MYH3: variants seen among roughly 807,000 people sequenced by gnomAD.
MYH3 encodes the protein myosin heavy chain 3.
MYH3 carries 130 observed loss-of-function variants against 238.0 expected under a neutral mutation model. That is an observed-to-expected ratio of 0.55 (90% confidence interval 0.47 to 0.63). The LOEUF is 0.63. MYH3 is among the 30% of genes least tolerant of loss of function. The pLI, the probability that MYH3 is intolerant of heterozygous loss-of-function variation, is 0.00. For missense variants in MYH3, 1,853 were observed against 2,374.9 expected (o/e 0.78, Z 4.57); for synonymous variants, 880 against 924.1 (o/e 0.95, Z 0.86).
At chr17:10,671,199 G>GT in the MYH3 span, among the ~76,000 whole-genome samples, 1 of 152,130 alleles carries the variant, frequency 6.6e-6, no homozygotes, top group Non-Finnish European at 1.5e-5. Flanking sequence ...GGCCTCTGCT[G>GT]TATCTTATGG....
upstream of MYH3, among the ~76,000 whole-genome samples, chr17:10,660,471 C>A (rs1032953067): frequency 7.0e-6 from 1 of 142,764 alleles, no homozygotes; most frequent in Non-Finnish European, 1.5e-5. Flanking sequence ...GTCAGGAGAT[C>A]GATACCATCC....
intron 4 of MYH3, 82 bp downstream of exon 4, chr17:10,652,338 G>A (rs1388019068): frequency 2.2e-5 from 34 of 1,520,130 alleles, no homozygotes; most frequent in Non-Finnish European, 3.0e-5. Context: ...AGAATCCCAC[G>A]GCCCACACAC....
chr17:10,643,957 C>T (rs569096907), intron 14 of MYH3, among the ~76,000 whole-genome samples: 3 of 151,968 alleles, frequency 2.0e-5, no homozygotes, highest in Non-Finnish European at 4.4e-5. Flanking sequence ...GTCAGGAGTT[C>T]GAGACCAGCC....
At chr17:10,638,744 G>T in intron 26 of MYH3, 129 bp downstream of exon 26, 1 of 941,684 alleles carries the variant, frequency 1.1e-6, no homozygotes, top group Middle Eastern at 3.1e-4. Flanking sequence ...GGCCAGCCTA[G>T]CAGAAAGGGA....
Position 10,644,688 on chromosome 17 carries a change from C to A in MYH3, c.1156G>T (p.Ala386Ser). The change falls in exon 13 of 41, where the codon GCC becomes TCC. Residue 386 changes from alanine (A) to serine (S), a missense_variant. Physicochemically the swap from Ala to Ser is moderately conservative, Grantham distance 99. This residue lies in a region of MYH3 where 678 missense variants were observed against 1,058.9 expected (regional missense o/e 0.64). Coordinates refer to ENST00000583535, the MANE Select transcript of MYH3 (RefSeq NM_002470.4). ...PDGTEVADKT[A>S]YLMGLNSSDL... ...GAAGAGTTCAGGCCCATCAGATAGGCTGTTTTGTCAGCCACTGGCAAGAAA... is the reference window on the plus strand; with the variant it reads ...GAAGAGTTCAGGCCCATCAGATAGGATGTTTTGTCAGCCACTGGCAAGAAA... 1.2e-6 allele frequency: 2 copies of A among 1,613,574 alleles called. No homozygotes were observed. Among genetic ancestry groups the A allele is most frequent in the East Asian group, 4.5e-5 (2 of 44,882 alleles).
At chr17:10,657,645 G>A (rs757952298), upstream of MYH3, among the ~76,000 whole-genome samples, 4 of 152,168 alleles carry the variant, frequency 2.6e-5, no homozygotes, top group East Asian at 3.9e-4. Context: ...TGAACGCGGC[G>A]TGAGCCCCTA....
At position 10,651,732 on chromosome 17, in the gene MYH3, TTTATTATTA is replaced by T. The variant is rs138453847; in HGVS notation, c.349-73_349-65del. On this transcript the variant is annotated intron_variant, in intron 4 of 40. Transcript: ENST00000583535. ...ATGTGCATATGGAAAACCCCTTGCC[TTTATTATTA>T]TTATTGTTTTTTTTTTTTTTTGAGA... 4.2e-5 allele frequency: 46 copies of T among 1,101,362 alleles called. No individual in the cohort carries two copies. In the African/African-American group the frequency reaches 6.1e-4, roughly 15 times the overall value. 68.2% of individuals were successfully genotyped at this position (1,101,362 alleles called of 1,614,324 possible). A position where few individuals can be genotyped will look rare whatever the true frequency, so the allele number is the denominator to read the frequency against.
intron 34 of MYH3, 69 bp from the exon 35 acceptor site, chr17:10,632,085 C>CTGAGT: frequency 6.5e-7 from 1 of 1,541,778 alleles, no homozygotes; most frequent in South Asian, 1.1e-5. Flanking sequence ...ATCTGCATCT[C>CTGAGT]TGAGTTTTGT....
At position 10,628,692 on chromosome 17, in the gene MYH3, T is replaced by C. The variant is rs763494266; in HGVS notation, c.5797-13A>G. 5.0e-6 allele frequency: 8 copies of C among 1,614,010 alleles called. No homozygotes were observed. The Admixed American group carries it at 6.7e-5, about 13-fold the overall frequency. ...CGTGGACCACCATCTAGGAAGAAAG[T>C]AGGCACCTGGAGTCAAGTCGGGTGG... On this transcript the variant is annotated splice_polypyrimidine_tract_variant and intron_variant, in intron 40 of 40. Transcript: ENST00000583535.
At chr17:10,662,811 G>GT in the MYH3 span, among the ~76,000 whole-genome samples, 12 of 152,132 alleles carry the variant, frequency 7.9e-5, no homozygotes, top group Non-Finnish European at 1.3e-4. Context: ...TCGGGGCTGA[G>GT]TGCAGTGGCT....
intron 12 of MYH3, among the ~76,000 whole-genome samples, chr17:10,645,120 C>G (rs1331186019): frequency 1.5e-4 from 23 of 151,822 alleles, no homozygotes; most frequent in Non-Finnish European, 1.5e-5. Flanking sequence ...GCACTGCAAC[C>G]TCTGCCTCCT....
Position 10,642,625 on chromosome 17 carries a change from C to T in MYH3, c.1680G>A (p.Lys560=). ...KNKLYDQHLG[K]SNNFQKPKVV... is the part of the protein sequence containing the mutation. ...CCTTGGGCTTCTGGAAGTTGTTGGA[C>T]TTTCCAAGATGCTGGTCATACAGCT... Residue 560 remains lysine, a synonymous_variant, in exon 16 of 41, where the codon AAG becomes AAA. Coordinates refer to ENST00000583535, the MANE Select transcript of MYH3 (RefSeq NM_002470.4). This position sits in a 1 kb window ranked among gnomAD's most constrained non-coding sequence, Gnocchi z 5.4. 1 of 1,614,226 alleles carries T rather than the reference C, an allele frequency of 6.2e-7. No individual in the cohort carries two copies. Among genetic ancestry groups the T allele is most frequent in the Non-Finnish European group, 8.5e-7 (1 of 1,180,048 alleles).
intron 32 of MYH3, 84 bp downstream of exon 32, chr17:10,633,929 CTGAG>C (rs1337629976): frequency 5.8e-5 from 90 of 1,547,384 alleles, no homozygotes; most frequent in Non-Finnish European, 7.6e-5. Context: ...GTGCAGGAAA[CTGAG>C]TGATGAAGCC....
At chr17:10,636,470 A>G (rs947146795) in intron 28 of MYH3, among the ~76,000 whole-genome samples, 3 of 152,156 alleles carry the variant, frequency 2.0e-5, no homozygotes, top group African/African-American at 7.2e-5. Context: ...TGTTATCGAC[A>G]AATACATAGG....
At chr17:10,650,478 C>A (rs1017316060) in intron 5 of MYH3, 77 bp from the exon 6 acceptor site, 3 of 1,366,766 alleles carry the variant, frequency 2.2e-6, no homozygotes, top group Non-Finnish European at 3.1e-6. Context: ...TCTCAAGTAG[C>A]CAGAGTTAAA....
At chr17:10,668,320 C>T in the MYH3 span, among the ~76,000 whole-genome samples, 83 of 151,554 alleles carry the variant, frequency 5.5e-4, no homozygotes, top group African/African-American at 1.8e-3. Flanking sequence ...GCTTGAACAC[C>T]GGAGGCAGAA....
Position 10,644,479 on chromosome 17 carries a change from G to T in MYH3, c.1282C>A (p.Leu428Ile). The T allele has an allele frequency of 6.2e-7, 1 of 1,614,226 alleles. No individual in the cohort carries two copies. The highest frequency in any genetic ancestry group is 8.5e-7 in the Non-Finnish European group (1 of 1,180,028). ...VDQVHHAVNA[L>I]SKSVYEKLFL... ...AACTTTTCATAAACTGATTTTGAAA[G>T]AGCATTCACAGCATGGTGAACCTAT... The change falls in exon 14 of 41, where the codon CTT becomes ATT. Residue 428 changes from leucine (L) to isoleucine (I), a missense_variant. Leu to Ile is a conservative substitution (Grantham distance 5). Coordinates refer to ENST00000583535, the MANE Select transcript of MYH3 (RefSeq NM_002470.4).
chr17:10,650,418 T>C lies in MYH3; in HGVS notation c.506-17A>G. ...TTTCACGATCTGCCAGAGGAAAAAA[T>C]AAAATAGAGTTGATGGCAATAGAAA... On this transcript the variant is annotated splice_polypyrimidine_tract_variant and intron_variant, in intron 5 of 40. Transcript: ENST00000583535. The C allele has an allele frequency of 1.2e-6, 2 of 1,609,090 alleles. No homozygotes were observed. Among genetic ancestry groups the C allele is most frequent in the African/African-American group, 1.3e-5 (1 of 74,876 alleles).
At chr17:10,650,276 T>C (rs1227538732) in intron 6 of MYH3, 98 bp downstream of exon 6, 4 of 1,315,382 alleles carry the variant, frequency 3.0e-6, no homozygotes, top group Non-Finnish European at 4.4e-6. Flanking sequence ...GCGCCCAGCC[T>C]GATCTTTTTA....
Sources: allele counts gnomAD v4.1 joint callset (sites outside exome capture counted in the v4.1 genomes callset), GRCh38; gene constraint gnomAD v4.1.1; regional missense constraint gnomAD v4.1.1; non-coding constraint Gnocchi (gnomAD v3.1); transcripts MANE v1.5; gene names NCBI Gene and HGNC (gene_info 2026-07-23, HGNC 2026-07-21).